C3orf20: variants seen among roughly 807,000 people sequenced by gnomAD.
C3orf20 encodes family with sequence similarity 149 member C, also known as uncharacterized protein C3orf20.
Under a neutral mutation model 88.3 loss-of-function variants are expected in C3orf20, and 76 were observed. That is an observed-to-expected ratio of 0.86 (90% CI 0.72 to 1.04). C3orf20 has a LOEUF of 1.04. C3orf20 is among the 50% of genes least tolerant of loss of function. The pLI, the probability that C3orf20 is intolerant of heterozygous loss-of-function variation, is 0.00. For synonymous variants in C3orf20, 436 were observed against 437.4 expected, an observed-to-expected ratio of 1.00 and a Z score of 0.04; for missense variants, 1,056 against 1,123.3, an observed-to-expected ratio of 0.94 and a Z score of 0.86.
intron 7 of C3orf20, among the ~76,000 whole-genome samples, chr3:14,710,164 A>G (rs2033683625): frequency 6.6e-6 from 1 of 151,354 alleles, no homozygotes; most frequent in Non-Finnish European, 1.5e-5. Flanking sequence ...TATTCATATT[A>G]TTGTATCATT....
intron 5 of C3orf20, among the ~76,000 whole-genome samples, chr3:14,695,120 C>G (rs1016128542): frequency 6.6e-6 from 1 of 152,092 alleles, no homozygotes; most frequent in African/African-American, 2.4e-5. Flanking sequence ...GATGTAGGCA[C>G]TTAACAGCTA....
chr3:14,765,852 G>A (rs1420102428), intron 15 of C3orf20, among the ~76,000 whole-genome samples: 4 of 152,370 alleles, frequency 2.6e-5, no homozygotes, highest in East Asian at 3.9e-4. Context: ...AGCAGGAAGA[G>A]GAACCCACAA....
chr3:14,703,964 A>G (rs1355731129), intron 6 of C3orf20, among the ~76,000 whole-genome samples: 2 of 152,142 alleles, frequency 1.3e-5, no homozygotes, highest in East Asian at 3.9e-4. Context: ...GGGAGAGGGC[A>G]GCCACTGTTT....
At chr3:14,706,386 T>G (rs899784919) in intron 7 of C3orf20, among the ~76,000 whole-genome samples, 1 of 151,864 alleles carries the variant, frequency 6.6e-6, no homozygotes, top group Non-Finnish European at 1.5e-5. Context: ...AATAGGATGA[T>G]CTCCCTGAGC....
In C3orf20 at chr3:14,772,874, A is replaced by G. The variant is rs1341175761; in HGVS notation, c.2714A>G (p.Ter905TrpextTer?). ...TSWKKQASKK[*>W] ...TGGAAGAAGCAGGCCTCCAAGAAGT[A>G]GCGCCATCCTGGCAGCAGCCAAGTG... The change falls in exon 17 of 17, where the codon TAG (stop) becomes TGG (tryptophan). Residue 905 changes from the stop codon to tryptophan (W), a stop_lost. Transcript: ENST00000253697. The surrounding 1 kb of genome is among the most constrained non-coding windows in gnomAD (Gnocchi z 4.2). 4 of 1,613,336 alleles carry G rather than the reference A, an allele frequency of 2.5e-6. No individual in the cohort carries two copies. The highest frequency in any genetic ancestry group is 3.4e-6 in the Non-Finnish European group (4 of 1,179,500).
At chr3:14,680,877 CTGAG>C (rs1189011590) in intron 1 of C3orf20, among the ~76,000 whole-genome samples, 39 of 152,228 alleles carry the variant, frequency 2.6e-4, no homozygotes, top group Non-Finnish European at 3.5e-4. Flanking sequence ...GACCGGGATT[CTGAG>C]TGGTTTCTTT....
chr3:14,705,610 A>G (rs75102188), intron 7 of C3orf20, among the ~76,000 whole-genome samples: 2,019 of 152,260 alleles, frequency 0.013, 43 homozygotes, highest in African/African-American at 0.044. Flanking sequence ...GTCACCTTGT[A>G]CCCTATGTTC....
chr3:14,678,032 C>T (rs1390592348), intron 1 of C3orf20, among the ~76,000 whole-genome samples: 4 of 151,894 alleles, frequency 2.6e-5, no homozygotes, highest in South Asian at 2.1e-4. Context: ...CCTGGTCCTA[C>T]CCTCCCCACC....
At chr3:14,707,989 T>G (rs1420233072) in intron 7 of C3orf20, among the ~76,000 whole-genome samples, 1 of 152,042 alleles carries the variant, frequency 6.6e-6, no homozygotes, top group African/African-American at 2.4e-5. Context: ...TGACTAATTT[T>G]GTATTTTTAG....
intron 4 of C3orf20, among the ~76,000 whole-genome samples, 173 bp from the exon 5 acceptor site, chr3:14,689,824 T>C (rs528721161): frequency 6.6e-6 from 1 of 152,226 alleles, no homozygotes; most frequent in Non-Finnish European, 1.5e-5. Flanking sequence ...CTCTAATTGC[T>C]CTGCCGGTGC....
chr3:14,736,720 C>A (rs182555854), intron 12 of C3orf20, among the ~76,000 whole-genome samples: 1 of 152,110 alleles, frequency 6.6e-6, no homozygotes, highest in Non-Finnish European at 1.5e-5. Context: ...GCATATGCCA[C>A]CACACCCAGC....
chr3:14,728,243 G>T (rs1029370385), intron 11 of C3orf20, among the ~76,000 whole-genome samples, 196 bp from the exon 12 acceptor site: 2 of 152,150 alleles, frequency 1.3e-5, no homozygotes, highest in Non-Finnish European at 2.9e-5. Flanking sequence ...CACAACATTT[G>T]GCAGTGTCAC....
chr3:14,683,791 G>A (rs772101567), intron 3 of C3orf20, among the ~76,000 whole-genome samples: 6 of 149,886 alleles, frequency 4.0e-5, no homozygotes, highest in Admixed American at 6.7e-5. Flanking sequence ...CAGGAGAATC[G>A]CTTGAACCCA....
intron 7 of C3orf20, among the ~76,000 whole-genome samples, chr3:14,707,711 G>C (rs527633061): frequency 2.6e-5 from 4 of 151,506 alleles, no homozygotes; most frequent in Middle Eastern, 3.4e-3. Context: ...TTTAAATTTT[G>C]ATGAAGTCCA....
At chr3:14,757,041 G>A (rs2035394558) in intron 12 of C3orf20, among the ~76,000 whole-genome samples, 1 of 152,132 alleles carries the variant, frequency 6.6e-6, no homozygotes, top group African/African-American at 2.4e-5. Flanking sequence ...TCAGATTGTG[G>A]GTCTGTCTTG....
intron 5 of C3orf20, among the ~76,000 whole-genome samples, chr3:14,700,589 C>T (rs2033214549): frequency 6.6e-6 from 1 of 152,160 alleles, no homozygotes; most frequent in Non-Finnish European, 1.5e-5. Context: ...TTTCCTTTGC[C>T]ACCCAACTTT....
At chr3:14,720,054 G>C (rs13096030) in intron 9 of C3orf20, among the ~76,000 whole-genome samples, 1 of 151,642 alleles carries the variant, frequency 6.6e-6, no homozygotes, top group Admixed American at 6.6e-5. Flanking sequence ...TTTTGAGATA[G>C]AGTCTCACTC....
chr3:14,684,566 G>A (rs1427919978), intron 4 of C3orf20, among the ~76,000 whole-genome samples, 184 bp downstream of exon 4: 1 of 152,168 alleles, frequency 6.6e-6, no homozygotes, highest in Admixed American at 6.5e-5. Flanking sequence ...TGTGGAGAGT[G>A]GTTTGGCGGT....
chr3:14,707,105 C>A (rs533828172), intron 7 of C3orf20, among the ~76,000 whole-genome samples: 1 of 151,752 alleles, frequency 6.6e-6, no homozygotes, highest in Non-Finnish European at 1.5e-5. Context: ...AAAAATTAGC[C>A]GGGTGTGGTG....
Sources: allele counts gnomAD v4.1 joint callset (sites outside exome capture counted in the v4.1 genomes callset), GRCh38; gene constraint gnomAD v4.1.1; non-coding constraint Gnocchi (gnomAD v3.1); transcripts MANE v1.5; gene names NCBI Gene and HGNC (gene_info 2026-07-23, HGNC 2026-07-21).